The following CD6 variants were observed in gnomAD, a reference collection of about 807,000 sequenced individuals.
CD6 encodes CD6 molecule, also known as T-cell differentiation antigen CD6.
CD6 carries 53 observed loss-of-function variants against 75.3 expected under a neutral mutation model. The ratio of observed to expected loss-of-function variants is 0.70; its 90% CI spans 0.56 to 0.88. The LOEUF is 0.88. Ranked by LOEUF, CD6 falls within the 40% of genes least tolerant of loss-of-function variation. The pLI is 0.00. For synonymous variants in CD6, 359 were observed against 381.5 expected (o/e 0.94, Z 0.69); for missense variants, 770 against 897.1 (o/e 0.86, Z 1.81).
chr11:61,011,157 G>T (rs771872898), intron 6 of CD6, 22 bp downstream of exon 6: 1 of 1,584,694 alleles, frequency 6.3e-7, no homozygotes, highest in Admixed American at 1.7e-5. Context: ...TGGGTACTAC[G>T]CGGTTTCTCA....
chr11:61,007,742 AC>A lies in CD6; in HGVS notation c.305del (p.Pro102LeufsTer14). ...AEAASQLAPPTPELPPPPAAG... is the reference protein window; with the variant it reads ...AEAASQLAPPXPELPPPPAAG... ...GGCCGCCTCTCAGCTCGCCCCGCCG[AC>A]CCCTGAGCTGCCGCCCCCGCCTGCA... On this transcript the variant is annotated frameshift_variant, in exon 3 of 13. Coordinates refer to ENST00000313421, the MANE Select transcript of CD6 (RefSeq NM_006725.5). LOFTEE classifies it high-confidence loss of function. This position sits in a 1 kb window ranked among gnomAD's most constrained non-coding sequence, Gnocchi z 4.2. 1 of 1,421,694 alleles carries A rather than the reference AC, an allele frequency of 7.0e-7. No individual in the cohort carries two copies. 88.1% of individuals were successfully genotyped at this position (1,421,694 alleles called of 1,614,324 possible).
intron 1 of CD6, among the ~76,000 whole-genome samples, chr11:60,976,257 G>A (rs1339506076): frequency 6.6e-6 from 1 of 152,192 alleles, no homozygotes; most frequent in Non-Finnish European, 1.5e-5. Flanking sequence ...CTACTTATAA[G>A]TGAGAATGTG....
intron 1 of CD6, among the ~76,000 whole-genome samples, chr11:60,981,765 C>T (rs946980867): frequency 3.0e-4 from 45 of 152,200 alleles, no homozygotes; most frequent in Admixed American, 1.3e-4. Context: ...AGCCCGAACG[C>T]CTTCTGCCTG....
In CD6 at chr11:61,018,382, T is replaced by G. The variant is rs1376662002; in HGVS notation, c.1931T>G (p.Phe644Cys). Residue 644 changes from phenylalanine to cysteine, a missense_variant, in exon 12 of 13, where the codon TTT (phenylalanine) becomes TGT (cysteine). By Grantham distance (205) the Phe-to-Cys change is radical. Coordinates refer to ENST00000313421, the MANE Select transcript of CD6 (RefSeq NM_006725.5). ...PPPQPPSEEQ[F>C]GCPGSPSPQP... ...CCCCAGCCCCCTTCGGAGGAGCAGT[T>G]TGGCTGTCCAGGTGCCAATATCTGG... 6.3e-7 allele frequency: 1 copy of G among 1,594,888 alleles called. No individual in the cohort carries two copies. The highest frequency in any genetic ancestry group is 8.5e-7 in the Non-Finnish European group (1 of 1,170,188).
intron 12 of CD6, 33 bp downstream of exon 12, chr11:61,018,426 G>A (rs1470368522): frequency 6.8e-7 from 1 of 1,462,232 alleles, no homozygotes; most frequent in African/African-American, 1.4e-5. Flanking sequence ...TGTGGGAGGG[G>A]GACAGAGAGG....
At chr11:60,983,632 TG>T (rs1056084540) in intron 1 of CD6, among the ~76,000 whole-genome samples, 3 of 151,758 alleles carry the variant, frequency 2.0e-5, no homozygotes, top group Non-Finnish European at 2.9e-5. Context: ...TTTTTGTTGT[TG>T]TTTTTTTTTT....
intron 1 of CD6, among the ~76,000 whole-genome samples, chr11:60,986,611 C>T (rs910146196): frequency 6.6e-6 from 1 of 152,200 alleles, no homozygotes; most frequent in African/African-American, 2.4e-5. Context: ...TTCCGAGAAA[C>T]ACTTGTGGGT....
At chr11:60,987,090 A>G (rs1017094730) in intron 1 of CD6, among the ~76,000 whole-genome samples, 1 of 152,184 alleles carries the variant, frequency 6.6e-6, no homozygotes, top group Non-Finnish European at 1.5e-5. Context: ...ATGGCACCAC[A>G]GTGCGAGACT....
At chr11:60,976,208 C>T (rs1198456215) in intron 1 of CD6, among the ~76,000 whole-genome samples, 2 of 152,190 alleles carry the variant, frequency 1.3e-5, no homozygotes, top group African/African-American at 4.8e-5. Flanking sequence ...ATGTCTGTTA[C>T]TCCATTCTGT....
At chr11:60,991,690 G>A (rs1345604003) in intron 1 of CD6, among the ~76,000 whole-genome samples, 1 of 151,434 alleles carries the variant, frequency 6.6e-6, no homozygotes, top group Non-Finnish European at 1.5e-5. Flanking sequence ...TTTCATTTTA[G>A]AGGTGGAATC....
intron 1 of CD6, among the ~76,000 whole-genome samples, chr11:60,972,831 C>T (rs183263997): frequency 2.2e-4 from 33 of 152,250 alleles, no homozygotes; most frequent in Admixed American, 2.0e-3. Context: ...GGGTACATGT[C>T]GCGAGACTCT....
chr11:60,987,489 G>T (rs2135053126), intron 1 of CD6, among the ~76,000 whole-genome samples: 1 of 152,244 alleles, frequency 6.6e-6, no homozygotes, highest in South Asian at 2.1e-4. Context: ...AAGAGGAGGG[G>T]AACAATTCAA....
chr11:60,975,202 C>G (rs2094177624), intron 1 of CD6, among the ~76,000 whole-genome samples: 1 of 152,100 alleles, frequency 6.6e-6, no homozygotes. Context: ...TGAAGTTGAA[C>G]AGACCTAGCA....
intron 3 of CD6, 121 bp downstream of exon 3, chr11:61,008,031 AC>A: frequency 7.2e-6 from 4 of 557,370 alleles, no homozygotes; most frequent in Admixed American, 4.3e-5. Context: ...CCCACCGCCT[AC>A]CAGTGCAAAC....
intron 4 of CD6, 116 bp downstream of exon 4, chr11:61,008,961 T>C: frequency 1.2e-6 from 1 of 868,966 alleles, no homozygotes; most frequent in Non-Finnish European, 1.7e-6. Flanking sequence ...GATGTCACAG[T>C]TCAGGAGGGG....
At chr11:61,008,412 G>C in intron 3 of CD6, 122 bp from the exon 4 acceptor site, 5 of 941,326 alleles carry the variant, frequency 5.3e-6, no homozygotes, top group South Asian at 1.7e-5. Context: ...CTTGCCTACC[G>C]GGCTACAGCC....
In CD6 at chr11:60,971,876, T is replaced by C. The variant is rs1387923230; in HGVS notation, c.11T>C (p.Phe4Ser). MWL[F>S]FGITGLLTAA... ...GAGACAGCTCCAGACATGTGGCTCTTCTTCGGGATCACTGGATTGCTGACG... is the reference window on the plus strand; with the variant it reads ...GAGACAGCTCCAGACATGTGGCTCTCCTTCGGGATCACTGGATTGCTGACG... Residue 4 changes from phenylalanine to serine, a missense_variant, in exon 1 of 13, where the codon TTC becomes TCC. By Grantham distance (155) the Phe-to-Ser change is radical. Coordinates refer to ENST00000313421, the MANE Select transcript of CD6 (RefSeq NM_006725.5). The C allele has an allele frequency of 1.2e-6, 2 of 1,613,894 alleles. No individual in the cohort carries two copies. Among genetic ancestry groups the C allele is most frequent in the Non-Finnish European group, 1.7e-6 (2 of 1,179,972 alleles).
rs561611468 is a variant in CD6 at position 60,997,425 on chromosome 11, TAAA to T, written c.50-9148_50-9146del. 5.5e-3 allele frequency among the ~76,000 whole-genome samples: 824 copies of T among 149,798 alleles called. 5 individuals are homozygous for T. Among genetic ancestry groups the T allele is most frequent in the Non-Finnish European group, 7.9e-3 (532 of 67,306 alleles). ...AAATAAAATAAAAATAATAAATAAA[TAAA>T]TTTTTAGCAGCTGCATTTTTTCAAA... On this transcript the variant is annotated intron_variant, in intron 1 of 12. Coordinates refer to ENST00000313421, the MANE Select transcript of CD6 (RefSeq NM_006725.5).
chr11:60,986,071 G>A (rs1407460409), intron 1 of CD6, among the ~76,000 whole-genome samples: 1 of 152,200 alleles, frequency 6.6e-6, no homozygotes, highest in Non-Finnish European at 1.5e-5. Flanking sequence ...ACTTACCCAA[G>A]GTCCTGGTAA....
Sources: allele counts gnomAD v4.1 joint callset (sites outside exome capture counted in the v4.1 genomes callset), GRCh38; gene constraint gnomAD v4.1.1; non-coding constraint Gnocchi (gnomAD v3.1); transcripts MANE v1.5; gene names NCBI Gene and HGNC (gene_info 2026-07-23, HGNC 2026-07-21).